BICDL1: variants seen among roughly 807,000 people sequenced by gnomAD.
BICDL1 encodes the protein BICD family like cargo adaptor 1.
Under a neutral mutation model 76.8 loss-of-function variants are expected in BICDL1, and 20 were observed. The observed-to-expected ratio is 0.26, with a 90% CI of 0.18 to 0.38. The LOEUF is 0.38. Among genes scored for constraint, BICDL1 ranks in the 10% least tolerant of loss-of-function variants. The pLI, the probability that BICDL1 is intolerant of heterozygous loss-of-function variation, is 1.00. For missense variants in BICDL1, 700 were observed against 798.6 expected (o/e 0.88, Z 1.49); for synonymous variants, 383 against 337.1 (o/e 1.14, Z -1.49).
chr12:120,005,910 T>C (rs143170893), intron 2 of BICDL1, among the ~76,000 whole-genome samples: 11 of 152,318 alleles, frequency 7.2e-5, no homozygotes, highest in African/African-American at 2.6e-4. Flanking sequence ...ACTCTTCACA[T>C]TTTTCTAGGT....
rs188733613 is a variant in BICDL1 at position 120,039,166 on chromosome 12, G to C, written c.646-22544G>C. Among the ~76,000 whole-genome samples the C allele has an allele frequency of 4.1e-3, 622 of 151,744 alleles. 5 individuals are homozygous for C. Among genetic ancestry groups the C allele is most frequent in the African/African-American group, 0.014 (586 of 41,350 alleles). ...ACAAAAATTAGCCAGGCATGGTGGCGGGTGTCTATAGTCCCAGCTACTTGT... is the reference window on the plus strand; with the variant it reads ...ACAAAAATTAGCCAGGCATGGTGGCCGGTGTCTATAGTCCCAGCTACTTGT... On this transcript the variant is annotated intron_variant, in intron 2 of 9. Transcript: ENST00000548673.
chr12:120,013,439 A>AGAGTGTGTGTGTGT (rs370032828), intron 2 of BICDL1, among the ~76,000 whole-genome samples: 3 of 134,802 alleles, frequency 2.2e-5, no homozygotes, highest in African/African-American at 8.3e-5. Flanking sequence ...CTTTAACCAG[A>AGAGTGTGTGTGTGT]GTGTGTGTGT....
chr12:120,064,959 C>A, intron 4 of BICDL1, 80 bp downstream of exon 4: 1 of 1,473,716 alleles, frequency 6.8e-7, no homozygotes, highest in Non-Finnish European at 9.1e-7. Context: ...GGCTGGGAGG[C>A]CAGCATCACT....
chr12:120,004,982 C>T (rs548466839), intron 2 of BICDL1, among the ~76,000 whole-genome samples: 6 of 152,090 alleles, frequency 3.9e-5, no homozygotes, highest in South Asian at 2.1e-4. Context: ...CCACTATACC[C>T]GGCTAATTTT....
chr12:120,074,075 G>A (rs1371872287), intron 6 of BICDL1, among the ~76,000 whole-genome samples: 2 of 151,936 alleles, frequency 1.3e-5, no homozygotes, highest in East Asian at 3.9e-4. Context: ...CACCACACCC[G>A]GCTAATTTTT....
chr12:120,031,657 A>C (rs1952426375), intron 2 of BICDL1, among the ~76,000 whole-genome samples: 1 of 152,172 alleles, frequency 6.6e-6, no homozygotes, highest in Non-Finnish European at 1.5e-5. Flanking sequence ...ATGGGTACTT[A>C]TCAAATGTGT....
chr12:120,036,377 C>T (rs1208730932), intron 2 of BICDL1, among the ~76,000 whole-genome samples: 1 of 152,212 alleles, frequency 6.6e-6, no homozygotes, highest in Non-Finnish European at 1.5e-5. Context: ...ATTCTTTCTG[C>T]TGCAGTGTAA....
intron 2 of BICDL1, among the ~76,000 whole-genome samples, chr12:120,041,343 A>G (rs1952638032): frequency 6.6e-6 from 1 of 152,180 alleles, no homozygotes; most frequent in African/African-American, 2.4e-5. Context: ...TGAACTCATT[A>G]TGTAATATGG....
At chr12:120,060,634 G>T (rs1953084376) in intron 2 of BICDL1, among the ~76,000 whole-genome samples, 1 of 152,122 alleles carries the variant, frequency 6.6e-6, no homozygotes, top group African/African-American at 2.4e-5. Context: ...TTTTGTAATT[G>T]TTTTTAAAAT....
intron 2 of BICDL1, among the ~76,000 whole-genome samples, chr12:120,015,432 A>G (rs535894484): frequency 7.9e-5 from 12 of 152,312 alleles, no homozygotes; most frequent in African/African-American, 2.9e-4. Flanking sequence ...GGCCAGGCTC[A>G]GTTGCCACTT....
rs796504679 is a variant in BICDL1 at position 120,022,164 on chromosome 12, A to C, written c.645+23428A>C. 4.0e-5 allele frequency among the ~76,000 whole-genome samples: 6 copies of C among 150,458 alleles called. No homozygotes were observed. In the South Asian group the frequency reaches 1.2e-3, roughly 31 times the overall value. On this transcript the variant is annotated intron_variant, in intron 2 of 9. Coordinates refer to ENST00000548673, the MANE Select transcript of BICDL1 (RefSeq NM_001367886.1). ...TTGGAGGAACAAGTTAATTGACTTA[A>C]TGAGGAAGCCATGTCAGATAAATCC...
chr12:120,074,142 T>C (rs533762348), intron 6 of BICDL1, among the ~76,000 whole-genome samples: 73 of 152,266 alleles, frequency 4.8e-4, no homozygotes, highest in African/African-American at 1.7e-3. Flanking sequence ...CTCGATCTCC[T>C]GACCTCGTGA....
At chr12:120,085,875 A>G (rs1333049801) in intron 8 of BICDL1, among the ~76,000 whole-genome samples, 1 of 151,682 alleles carries the variant, frequency 6.6e-6, no homozygotes, top group East Asian at 1.9e-4. Flanking sequence ...TCAGACAAGA[A>G]GCTGAACATT....
chr12:120,091,499 T>C (rs11065017), intron 9 of BICDL1: 213,777 of 987,694 alleles, frequency 0.22, 30,266 homozygotes, highest in African/African-American at 0.67. Flanking sequence ...AAGGATCATA[T>C]ACTAGACCCT....
At chr12:120,075,387 CTT>C (rs1188921444) in intron 7 of BICDL1, among the ~76,000 whole-genome samples, 3 of 142,496 alleles carry the variant, frequency 2.1e-5, no homozygotes, top group Admixed American at 7.0e-5. Context: ...AGTATTTCCT[CTT>C]TTTTTTTTTT....
At chr12:120,014,969 A>T (rs572461188) in intron 2 of BICDL1, among the ~76,000 whole-genome samples, 88 of 152,348 alleles carry the variant, frequency 5.8e-4, no homozygotes, top group South Asian at 1.0e-3. Context: ...ACAGTCTGCT[A>T]AAGTTATAGG....
intron 8 of BICDL1, among the ~76,000 whole-genome samples, chr12:120,081,595 C>T (rs1217203116): frequency 6.6e-6 from 1 of 151,904 alleles, no homozygotes; most frequent in Non-Finnish European, 1.5e-5. Context: ...GTGATCTGCC[C>T]GCCTTGGCCT....
intron 8 of BICDL1, among the ~76,000 whole-genome samples, chr12:120,085,331 G>C (rs887251751): frequency 3.3e-5 from 5 of 152,124 alleles, no homozygotes; most frequent in Non-Finnish European, 7.3e-5. Context: ...ACAAATTCAG[G>C]AGGCGGAGGT....
In BICDL1 at chr12:120,093,262, T is replaced by TAGCATGAGGGGCAGGGCA; in HGVS notation, c.*101_*102insAGCATGAGGGGCAGGGCA. 5 of 1,355,016 alleles carry TAGCATGAGGGGCAGGGCA rather than the reference T, an allele frequency of 3.7e-6. No homozygotes were observed. The highest frequency in any genetic ancestry group is 5.1e-6 in the Non-Finnish European group (5 of 980,590). The allele number at this position is 1,355,016 out of a possible 1,614,324, so 83.9% of individuals were successfully genotyped here. On this transcript the variant is annotated 3_prime_UTR_variant, in exon 10 of 10. Coordinates refer to ENST00000548673, the MANE Select transcript of BICDL1 (RefSeq NM_001367886.1). Reference sequence around the variant, plus strand: ...GCAGCTTGCACCTCAGCAGCTGCCCTGCCCCTCATGCTAGGGCCCCATGGG... The same window carrying TAGCATGAGGGGCAGGGCA: ...GCAGCTTGCACCTCAGCAGCTGCCCTAGCATGAGGGGCAGGGCAGCCCCTCATGCTAGGGCCCCATGGG...
Sources: allele counts gnomAD v4.1 joint callset (sites outside exome capture counted in the v4.1 genomes callset), GRCh38; gene constraint gnomAD v4.1.1; transcripts MANE v1.5; gene names NCBI Gene and HGNC (gene_info 2026-07-23, HGNC 2026-07-21).